Variants in EGFL6 observed in about 807,000 individuals in gnomAD.
EGFL6 encodes the protein epidermal growth factor-like protein 6.
Under a neutral mutation model 43.1 loss-of-function variants are expected in EGFL6, and 42 were observed. The observed-to-expected ratio is 0.98, with a 90% CI of 0.76 to 1.26. EGFL6 has a LOEUF of 1.26. EGFL6 is among the 50% of genes most tolerant of loss of function. The pLI is 0.00. For missense variants in EGFL6, 429 were observed against 427.8 expected, an observed-to-expected ratio of 1.00 and a Z score of -0.02; for synonymous variants, 164 against 163.2, an observed-to-expected ratio of 1.01 and a Z score of -0.04.
rs780920462 is a variant in EGFL6 at position 13,603,351 on chromosome X, C to T, written c.435C>T (p.Tyr145=). The T allele has an allele frequency of 8.3e-6, 10 of 1,210,278 alleles. No homozygotes were observed. Among genetic ancestry groups the T allele is most frequent in the Middle Eastern group, 4.6e-4 (2 of 4,349 alleles). ...CATGTGCCATGATAAACTGTCAGTA[C>T]AGCTGTGAAGACACAGAAGAAGGGC... ...SRTCAMINCQ[Y]SCEDTEEGPQ... is the part of the protein sequence containing the mutation. The change falls in exon 5 of 12, where the codon TAC becomes TAT. Residue 145 remains tyrosine (Y), a synonymous_variant. Transcript: ENST00000361306.
intron 7 of EGFL6, among the ~76,000 whole-genome samples, chrX:13,609,597 C>CA (rs1269133386): frequency 9.1e-6 from 1 of 110,125 alleles, no homozygotes; most frequent in Non-Finnish European, 1.9e-5. Flanking sequence ...ACTAAAAATA[C>CA]AAAAAAATTA....
At chrX:13,632,562 C>G (rs1048053171) in intron 11 of EGFL6, among the ~76,000 whole-genome samples, 4 of 110,260 alleles carry the variant, frequency 3.6e-5, no homozygotes, top group Admixed American at 9.7e-5. Context: ...CCTCGGCCTC[C>G]CAAAGTGCTG....
At chrX:13,631,854 T>G (rs2045812971) in intron 11 of EGFL6, among the ~76,000 whole-genome samples, 1 of 111,917 alleles carries the variant, frequency 8.9e-6, no homozygotes, top group Admixed American at 9.5e-5. Flanking sequence ...GATTTTAATT[T>G]TATTTATTTG....
At position 13,622,583 on chromosome X, in the gene EGFL6, G is replaced by A. The variant is rs774485800; in HGVS notation, c.1184-1241G>A. 1.8e-4 allele frequency among the ~76,000 whole-genome samples: 20 copies of A among 111,353 alleles called. 1 individual carries two copies. The highest frequency in any genetic ancestry group is 2.6e-4 in the Non-Finnish European group (14 of 53,053). The stretch of plus-strand genomic sequence containing the variant: ...AAAAAATATCTCATTCTTCACCCCC[G>A]CCCTTTCCCAGTGGTATTTATCTAC... On this transcript the variant is annotated intron_variant, in intron 9 of 11. Transcript: ENST00000361306.
intron 1 of EGFL6, among the ~76,000 whole-genome samples, chrX:13,579,176 C>G (rs1377013301): frequency 9.1e-6 from 1 of 110,162 alleles, no homozygotes; most frequent in Non-Finnish European, 1.9e-5. Context: ...GGCTGTTTTA[C>G]AGATTATTTT....
At chrX:13,587,222 G>A (rs184922121) in intron 1 of EGFL6, among the ~76,000 whole-genome samples, 7 of 112,279 alleles carry the variant, frequency 6.2e-5, no homozygotes, top group East Asian at 2.8e-4. Flanking sequence ...TGAATTTTAC[G>A]TTATGTAAAT....
At chrX:13,595,045 G>A (rs191133935) in intron 3 of EGFL6, 117 bp downstream of exon 3, 1 of 450,794 alleles carries the variant, frequency 2.2e-6, no homozygotes, top group Admixed American at 4.4e-5. Flanking sequence ...TCAAATGAAG[G>A]TGCTTTCAGG....
intron 1 of EGFL6, 47 bp from the exon 2 acceptor site, chrX:13,589,509 T>G (rs746204698): frequency 2.8e-6 from 3 of 1,070,687 alleles, no homozygotes; most frequent in Non-Finnish European, 3.8e-6. Context: ...GAGTTTCTGT[T>G]GTCTTTTCTA....
chrX:13,606,663 G>T, intron 6 of EGFL6, 150 bp downstream of exon 6: 1 of 572,434 alleles, frequency 1.7e-6, no homozygotes, highest in Non-Finnish European at 2.6e-6. Flanking sequence ...ATTTTTTTAG[G>T]TGTCTGGCAT....
At chrX:13,594,546 G>A (rs183912287) in intron 2 of EGFL6, among the ~76,000 whole-genome samples, 1 of 112,136 alleles carries the variant, frequency 8.9e-6, no homozygotes, top group Non-Finnish European at 1.9e-5. Context: ...GGGGAATGAC[G>A]TTGGCATTTG....
intron 5 of EGFL6, among the ~76,000 whole-genome samples, chrX:13,604,907 T>TA (rs769394372): frequency 3.6e-5 from 4 of 111,656 alleles, no homozygotes; most frequent in Non-Finnish European, 5.7e-5. Context: ...ATACATAATG[T>TA]AAAAAAAACT....
At chrX:13,583,118 G>A (rs376215527) in intron 1 of EGFL6, among the ~76,000 whole-genome samples, 11 of 109,393 alleles carry the variant, frequency 1.0e-4, no homozygotes, top group African/African-American at 3.3e-4. Flanking sequence ...GTTTCCCTGC[G>A]CCTTCTCTAT....
In EGFL6 at chrX:13,633,042, G is replaced by A. The variant is rs773866186; in HGVS notation, c.1609G>A (p.Val537Ile). The A allele has an allele frequency of 1.7e-5, 20 of 1,204,153 alleles. No homozygotes were observed. Among genetic ancestry groups the A allele is most frequent in the African/African-American group, 7.0e-5 (4 of 56,846 alleles). ...AACCGGCGAAATCGCAGTGGATGGC[G>A]TCTTGCTTGTTTCAGGCTTATGTCC... ...GKTGEIAVDG[V>I]LLVSGLCPDS... The change falls in exon 12 of 12, where the codon GTC becomes ATC. Residue 537 changes from valine to isoleucine, a missense_variant. By Grantham distance (29) the Val-to-Ile change is conservative. Transcript: ENST00000361306.
intron 1 of EGFL6, among the ~76,000 whole-genome samples, chrX:13,585,673 G>A (rs1404571634): frequency 9.0e-6 from 1 of 111,536 alleles, no homozygotes; most frequent in East Asian, 2.8e-4. Flanking sequence ...CTAAGATTTT[G>A]TTGCTAGATT....
rs972750534 is a variant in EGFL6 at position 13,586,027 on chromosome X, C to T, written c.75-3529C>T. Among the ~76,000 whole-genome samples the T allele has an allele frequency of 3.6e-5, 4 of 111,972 alleles. No homozygotes were observed. In the East Asian group the frequency reaches 1.1e-3, roughly 31 times the overall value. ...CAAGGTATGGGGATAGTTGTTTTTACCAACAAATTTCAATCTTGTTTTCAA... is the reference window on the plus strand; with the variant it reads ...CAAGGTATGGGGATAGTTGTTTTTATCAACAAATTTCAATCTTGTTTTCAA... On this transcript the variant is annotated intron_variant, in intron 1 of 11. Transcript: ENST00000361306.
At chrX:13,589,487 A>T in intron 1 of EGFL6, 69 bp from the exon 2 acceptor site, 1 of 885,074 alleles carries the variant, frequency 1.1e-6, no homozygotes, top group Non-Finnish European at 1.6e-6. Flanking sequence ...TGGTTCTTTT[A>T]GTAGTAGGGA....
At position 13,599,989 on chromosome X, in the gene EGFL6, G is replaced by A; in HGVS notation, c.295G>A (p.Gly99Arg). ...KTCSQDVNEC[G>R]MKPRPCQHRC... ...TGTCCCTGCAGATGTGAATGAGTGT[G>A]GAATGAAACCCCGGCCATGCCAACA... The change falls in exon 4 of 12, where the codon GGA becomes AGA. Residue 99 changes from glycine (G) to arginine (R), a missense_variant. Gly to Arg is a moderately radical substitution (Grantham distance 125, BLOSUM62 -2). Coordinates refer to ENST00000361306, the MANE Select transcript of EGFL6 (RefSeq NM_015507.4). 2.5e-6 allele frequency: 3 copies of A among 1,210,456 alleles called. No individual in the cohort carries two copies. Among genetic ancestry groups the A allele is most frequent in the Non-Finnish European group, 3.4e-6 (3 of 894,578 alleles).
intron 4 of EGFL6, among the ~76,000 whole-genome samples, chrX:13,601,341 T>C (rs182155466): frequency 2.1e-4 from 23 of 112,056 alleles, no homozygotes; most frequent in Non-Finnish European, 1.9e-4. Flanking sequence ...ACCCATGTCC[T>C]GTGGGAGAGT....
intron 7 of EGFL6, among the ~76,000 whole-genome samples, chrX:13,612,200 C>A (rs1469980341): frequency 2.5e-4 from 27 of 110,008 alleles, no homozygotes; most frequent in African/African-American, 8.6e-4. Context: ...TGCGGCCTTC[C>A]GCAGTGTTTG....
Sources: gnomAD v4.1 joint callset for allele counts (sites outside exome capture counted in the v4.1 genomes callset) on GRCh38, gnomAD v4.1.1 for gene constraint, MANE v1.5 for transcripts, NCBI Gene and HGNC (gene_info 2026-07-23, HGNC 2026-07-21) for gene names.